Variants in FDPS observed in about 807,000 individuals in gnomAD.
The protein encoded by FDPS is farnesyl diphosphate synthase, also known as farnesyl pyrophosphate synthase.
FDPS carries 29 observed loss-of-function variants against 49.5 expected under a neutral mutation model. The observed-to-expected ratio is 0.59, with a 90% CI of 0.44 to 0.80. The LOEUF (loss-of-function observed/expected upper bound fraction) is 0.80. Ranked by LOEUF, FDPS falls within the 30% of genes least tolerant of loss-of-function variation. The pLI is 0.00. For synonymous variants in FDPS, 172 were observed against 206.4 expected, an observed-to-expected ratio of 0.83 and a Z score of 1.43; for missense variants, 414 against 525.6, an observed-to-expected ratio of 0.79 and a Z score of 2.08.
intron 8 of FDPS, 144 bp downstream of exon 8, chr1:155,319,072 C>A: frequency 1.5e-6 from 1 of 663,724 alleles, no homozygotes; most frequent in South Asian, 1.8e-5. Flanking sequence ...TCTCTTTCCT[C>A]AGCTGGGGAT....
At chr1:155,317,441 G>A (rs192751913) in intron 4 of FDPS, 1 of 154,326 alleles carries the variant, frequency 6.5e-6, no homozygotes, top group Non-Finnish European at 1.4e-5. Context: ...TTATAGGCGG[G>A]GAGTCTGAGC....
chr1:155,314,330 A>G (rs989055020), intron 4 of FDPS, among the ~76,000 whole-genome samples: 7 of 151,428 alleles, frequency 4.6e-5, no homozygotes, highest in Non-Finnish European at 8.8e-5. Flanking sequence ...CTGAGACTAC[A>G]GGAGCGAGCC....
Position 155,309,953 on chromosome 1 carries a change from CAG to C in FDPS, c.167_168del (p.Glu56GlyfsTer36). The C allele has an allele frequency of 6.2e-7, 1 of 1,606,992 alleles. No individual in the cohort carries two copies. The highest frequency in any genetic ancestry group is 8.5e-7 in the Non-Finnish European group (1 of 1,174,822). ...GCCCGCTGCTGGTGCCAAGCGTGGA[CAG>C]AGGAACCTCGGTGAGTGTGGTTGGG... On this transcript the variant is annotated frameshift_variant, in exon 2 of 11. Coordinates refer to ENST00000368356, the MANE Select transcript of FDPS (RefSeq NM_002004.4). LOFTEE classifies it high-confidence loss of function.
Position 155,320,654 on chromosome 1 carries a change from T to C in FDPS, c.*45T>C. The C allele has an allele frequency of 3.7e-6, 6 of 1,603,076 alleles. No homozygotes were observed. The highest frequency in any genetic ancestry group is 5.1e-6 in the Non-Finnish European group (6 of 1,170,470). ...GGGAGAGGAGGCTCTCAATAAATAA[T>C]CGTGTAACCTTCTTGTGGTTCTGTT... On this transcript the variant is annotated 3_prime_UTR_variant, in exon 11 of 11. Coordinates refer to ENST00000368356, the MANE Select transcript of FDPS (RefSeq NM_002004.4).
chr1:155,320,118 C>A, intron 10 of FDPS, 190 bp downstream of exon 10: 1 of 702,850 alleles, frequency 1.4e-6, no homozygotes, highest in Non-Finnish European at 2.4e-6. Context: ...AAGATGTTGC[C>A]AAACATGTAG....
At chr1:155,317,672 C>T (rs749729953) in intron 4 of FDPS, 1 of 290,286 alleles carries the variant, frequency 3.4e-6, no homozygotes, top group African/African-American at 2.2e-5. Flanking sequence ...CCTGTCTCTA[C>T]AAAAAATAAA....
chr1:155,318,585 A>G lies in FDPS; in HGVS notation c.685-80A>G. The G allele has an allele frequency of 1.8e-6, 2 of 1,127,404 alleles. No individual in the cohort carries two copies. The highest frequency in any genetic ancestry group is 2.5e-5 in the South Asian group (2 of 79,122). 69.8% of individuals were successfully genotyped at this position (1,127,404 alleles called of 1,614,324 possible). ...TGATTCTGCCCAGTTGTCAGCTGGT[A>G]TGGGATGTTGGGCTTGGGATACCAG... On this transcript the variant is annotated intron_variant, in intron 6 of 10. Transcript: ENST00000368356. This position sits in a 1 kb window ranked among gnomAD's most constrained non-coding sequence, Gnocchi z 4.2.
intron 4 of FDPS, among the ~76,000 whole-genome samples, chr1:155,314,647 T>C (rs1482115598): frequency 1.3e-5 from 2 of 151,882 alleles, no homozygotes; most frequent in Non-Finnish European, 2.9e-5. Flanking sequence ...GCTTTTTAAA[T>C]AGTTTTTTGG....
At chr1:155,313,346 A>G (rs1481656828) in intron 4 of FDPS, among the ~76,000 whole-genome samples, 1 of 152,124 alleles carries the variant, frequency 6.6e-6, no homozygotes, top group African/African-American at 2.4e-5. Context: ...TAAAGCTTTC[A>G]TTAGTGGCAG....
intron 4 of FDPS, among the ~76,000 whole-genome samples, chr1:155,316,347 G>T (rs79696808): frequency 0.015 from 2,223 of 150,532 alleles, 57 homozygotes; most frequent in African/African-American, 0.049. Context: ...AGCTGGGTGC[G>T]CTGGTGTGTG....
chr1:155,317,836 T>C, intron 4 of FDPS, 105 bp from the exon 5 acceptor site: 2 of 879,906 alleles, frequency 2.3e-6, no homozygotes, highest in Non-Finnish European at 3.6e-6. Flanking sequence ...CTCTGTCCCC[T>C]ACCAAAAAAA....
At chr1:155,319,181 T>C (rs1649914173) in intron 8 of FDPS, among the ~76,000 whole-genome samples, 1 of 152,174 alleles carries the variant, frequency 6.6e-6, no homozygotes, top group Admixed American at 6.5e-5. Flanking sequence ...TATCTGAGTA[T>C]GGATAGGAGT....
chr1:155,317,711 G>A, intron 4 of FDPS: 1 of 461,594 alleles, frequency 2.2e-6, no homozygotes, highest in Non-Finnish European at 3.9e-6. Context: ...CAGGCATGGG[G>A]TATGTGCCTA....
In FDPS at chr1:155,318,884, G is replaced by T. The variant is rs914790390; in HGVS notation, c.802G>T (p.Ala268Ser). 1.3e-5 allele frequency: 21 copies of T among 1,613,770 alleles called. No individual in the cohort carries two copies. The African/African-American group carries it at 2.1e-4, about 16-fold the overall frequency. Reference protein sequence around the residue: ...RYKSIVKYKTAFYSFYLPIAA... With the variant: ...RYKSIVKYKTSFYSFYLPIAA... ...CAAATCTATTGTCAAGTACAAGACA[G>T]CTTTCTACTCCTTCTACCTTCCTAT... Residue 268 changes from alanine (A) to serine (S), a missense_variant, in exon 8 of 11, where the codon GCT becomes TCT. By Grantham distance (99) the Ala-to-Ser change is moderately conservative (BLOSUM62 1). Transcript: ENST00000368356. This position sits in a 1 kb window ranked among gnomAD's most constrained non-coding sequence, Gnocchi z 4.2.
At chr1:155,312,221 C>G (rs757187037) in intron 3 of FDPS, 34 bp from the exon 4 acceptor site, 6 of 1,611,702 alleles carry the variant, frequency 3.7e-6, no homozygotes, top group East Asian at 2.2e-5. Context: ...CTGTATGGAC[C>G]CTGATACCCT....
rs1480596525 is a variant in FDPS at position 155,310,064 on chromosome 1, A to T, written c.198A>T (p.Arg66Ser). ...EEPRALCSSL[R>S]MNGDQNSDVY... Reference sequence around the variant, plus strand: ...TTAGAGCCCTTTGCTCCTCCCTCAGAATGAACGGAGACCAGAATTCAGATG... The same window carrying T: ...TTAGAGCCCTTTGCTCCTCCCTCAGTATGAACGGAGACCAGAATTCAGATG... The change falls in exon 3 of 11, where the codon AGA (arginine) becomes AGT (serine). Residue 66 changes from arginine (R) to serine (S), a missense_variant. Arg to Ser is a moderately radical substitution (Grantham distance 110). Coordinates refer to ENST00000368356, the MANE Select transcript of FDPS (RefSeq NM_002004.4). The T allele has an allele frequency of 8.7e-6, 14 of 1,613,604 alleles. No homozygotes were observed. Among genetic ancestry groups the T allele is most frequent in the Non-Finnish European group, 1.1e-5 (13 of 1,180,022 alleles).
chr1:155,309,947 C>T lies in FDPS; in HGVS notation c.158C>T (p.Ala53Val), dbSNP rs761040554. The change falls in exon 2 of 11, where the codon GCG becomes GTG. Residue 53 changes from alanine to valine, a missense_variant. Physicochemically the swap from Ala to Val is moderately conservative, Grantham distance 64 (BLOSUM62 0). Coordinates refer to ENST00000368356, the MANE Select transcript of FDPS (RefSeq NM_002004.4). ...CACAGTGCCCGCTGCTGGTGCCAAG[C>T]GTGGACAGAGGAACCTCGGTGAGTG... ...AWHSARCWCQAWTEEPRALCS... is the reference protein window; with the variant it reads ...AWHSARCWCQVWTEEPRALCS... The T allele has an allele frequency of 8.1e-6, 13 of 1,606,522 alleles. No individual in the cohort carries two copies. Among genetic ancestry groups the T allele is most frequent in the Admixed American group, 3.3e-5 (2 of 59,712 alleles).
At chr1:155,317,911 G>C in intron 4 of FDPS, 30 bp from the exon 5 acceptor site, 1 of 1,589,566 alleles carries the variant, frequency 6.3e-7, no homozygotes, top group Non-Finnish European at 8.6e-7. Context: ...GTAATGAGGA[G>C]CCCTGCAGGT....
chr1:155,312,310 T>C lies in FDPS; in HGVS notation c.395T>C (p.Val132Ala), dbSNP rs763852459. The C allele has an allele frequency of 6.2e-7, 1 of 1,613,956 alleles. No homozygotes were observed. The highest frequency in any genetic ancestry group is 8.5e-7 in the Non-Finnish European group (1 of 1,179,996). The change falls in exon 4 of 11, where the codon GTA becomes GCA. Residue 132 changes from valine to alanine, a missense_variant. By Grantham distance (64) the Val-to-Ala change is moderately conservative. Coordinates refer to ENST00000368356, the MANE Select transcript of FDPS (RefSeq NM_002004.4). ...GKYNRGLTVV[V>A]AFRELVEPRK... ...TATAACCGGGGTTTGACGGTGGTAG[T>C]AGCATTCCGGGAGCTGGTGGAGCCA...
Sources: gnomAD v4.1 joint callset for allele counts (sites outside exome capture counted in the v4.1 genomes callset) on GRCh38, gnomAD v4.1.1 for gene constraint, Gnocchi (gnomAD v3.1) non-coding constraint, MANE v1.5 for transcripts, NCBI Gene and HGNC (gene_info 2026-07-23, HGNC 2026-07-21) for gene names.